CFAP299: variants seen among roughly 807,000 people sequenced by gnomAD.
CFAP299 encodes the protein cilia and flagella associated protein 299.
CFAP299 carries 21 observed loss-of-function variants against 27.0 expected under a neutral mutation model. The ratio of observed to expected loss-of-function variants is 0.78; its 90% confidence interval spans 0.55 to 1.12. The LOEUF (loss-of-function observed/expected upper bound fraction) is 1.12. CFAP299 is among the 50% of genes most tolerant of loss of function. The pLI is 0.00. For missense variants in CFAP299, 310 were observed against 276.6 expected, an observed-to-expected ratio of 1.12 and a Z score of -0.86; for synonymous variants, 104 against 98.1, an observed-to-expected ratio of 1.06 and a Z score of -0.36.
At chr4:80,648,340 C>A (rs1412245393) in intron 3 of CFAP299, among the ~76,000 whole-genome samples, 2 of 152,200 alleles carry the variant, frequency 1.3e-5, no homozygotes, top group Non-Finnish European at 2.9e-5. Context: ...CTAGAAAAGG[C>A]CTTATTTATG....
chr4:80,545,259 A>G (rs1454222608), intron 2 of CFAP299, among the ~76,000 whole-genome samples: 4 of 152,338 alleles, frequency 2.6e-5, no homozygotes, highest in African/African-American at 7.2e-5. Flanking sequence ...GAAAGATCTC[A>G]AATTAACAAC....
chr4:80,378,720 T>C (rs988872413), intron 2 of CFAP299, among the ~76,000 whole-genome samples: 2 of 152,140 alleles, frequency 1.3e-5, no homozygotes, highest in Non-Finnish European at 2.9e-5. Context: ...GTGATTTACA[T>C]TGATTGATTT....
Position 80,418,798 on chromosome 4 carries a change from AT to A in CFAP299, c.242+55915del, listed in dbSNP as rs1172812463. Among the ~76,000 whole-genome samples, 19 of 152,326 alleles carry A rather than the reference AT, an allele frequency of 1.2e-4. No individual in the cohort carries two copies. In the South Asian group the frequency reaches 3.9e-3, roughly 32 times the overall value. On this transcript the variant is annotated intron_variant, in intron 2 of 5. Transcript: ENST00000358105. ...ATTTAACATAATGCTCTCCGTTTAC[AT>A]CAGTGTTGTCAGAAATGACAGAGTT...
chr4:80,612,133 C>T (rs1418738371), intron 3 of CFAP299, among the ~76,000 whole-genome samples: 1 of 151,918 alleles, frequency 6.6e-6, no homozygotes, highest in African/African-American at 2.4e-5. Context: ...CACATAACCT[C>T]CCACAATTAT....
intron 3 of CFAP299, among the ~76,000 whole-genome samples, chr4:80,741,478 A>G (rs1724268912): frequency 6.6e-6 from 1 of 152,122 alleles, no homozygotes; most frequent in African/African-American, 2.4e-5. Flanking sequence ...TTCGAATGCC[A>G]TCTGGGAGCT....
At chr4:80,672,372 T>G (rs1270398311) in intron 3 of CFAP299, among the ~76,000 whole-genome samples, 1 of 152,220 alleles carries the variant, frequency 6.6e-6, no homozygotes, top group Non-Finnish European at 1.5e-5. Context: ...TCGTGGTGGA[T>G]AAGGTTTTTG....
chr4:80,332,940 A>G (rs1406166761), upstream of CFAP299, among the ~76,000 whole-genome samples: 2 of 152,164 alleles, frequency 1.3e-5, no homozygotes, highest in Admixed American at 1.3e-4. Flanking sequence ...AGAGAGCCCA[A>G]GTTTTTCTCT....
At position 80,910,586 on chromosome 4, in the gene CFAP299, A is replaced by G. The variant is rs150663158; in HGVS notation, c.477-34224A>G. Among the ~76,000 whole-genome samples, 470 of 152,248 alleles carry G rather than the reference A, an allele frequency of 3.1e-3. 2 individuals carry two copies. The highest frequency in any genetic ancestry group is 0.011 in the African/African-American group (451 of 41,558). On this transcript the variant is annotated intron_variant, in intron 4 of 5. Transcript: ENST00000358105. ...CTAATGCAGGAACAGAAAAGCAAAT[A>G]CTGTTTGTTCTAACTTATAAATGGG...
intron 2 of CFAP299, among the ~76,000 whole-genome samples, chr4:80,491,131 C>T (rs1028983943): frequency 6.6e-6 from 1 of 151,822 alleles, no homozygotes; most frequent in Admixed American, 6.6e-5. Context: ...AATTATTAAA[C>T]TGTAATAAAA....
At chr4:80,453,061 T>C (rs1463648954) in intron 2 of CFAP299, among the ~76,000 whole-genome samples, 1 of 152,218 alleles carries the variant, frequency 6.6e-6, no homozygotes, top group African/African-American at 2.4e-5. Context: ...GTGCCTGACT[T>C]GGAGAGTCAA....
chr4:80,659,738 C>T (rs1485330075), intron 3 of CFAP299, among the ~76,000 whole-genome samples: 1 of 151,942 alleles, frequency 6.6e-6, no homozygotes, highest in African/African-American at 2.4e-5. Flanking sequence ...ATAATCTATA[C>T]ACTCTTTTGT....
At chr4:80,475,792 C>T (rs1416611630) in intron 2 of CFAP299, among the ~76,000 whole-genome samples, 1 of 152,002 alleles carries the variant, frequency 6.6e-6, no homozygotes, top group African/African-American at 2.4e-5. Flanking sequence ...AATTAAGAAC[C>T]CCTAAGGAGA....
chr4:80,792,311 A>G (rs980928025), intron 3 of CFAP299, among the ~76,000 whole-genome samples: 5 of 152,046 alleles, frequency 3.3e-5, no homozygotes, highest in African/African-American at 1.2e-4. Context: ...GTCTGGGTTG[A>G]TTTGGTCTCA....
In CFAP299 at chr4:80,711,516, C is replaced by T. The variant is rs143877030; in HGVS notation, c.333+128333C>T. On this transcript the variant is annotated intron_variant, in intron 3 of 5. Transcript: ENST00000358105. ...GTATGGGCTGGAACCTGGACCTAGG[C>T]GTGACAACTGGTGTAGTCATAGACC... Among the ~76,000 whole-genome samples the T allele has an allele frequency of 3.8e-4, 58 of 152,208 alleles. No individual in the cohort carries two copies. The East Asian group carries it at 9.9e-3, about 26-fold the overall frequency.
intron 2 of CFAP299, among the ~76,000 whole-genome samples, chr4:80,517,290 G>C (rs1732636006): frequency 6.6e-6 from 1 of 152,148 alleles, no homozygotes; most frequent in Non-Finnish European, 1.5e-5. Context: ...TGTTGTTTTA[G>C]ATCAGAAAGA....
At chr4:80,625,335 AT>A (rs1425115843) in intron 3 of CFAP299, among the ~76,000 whole-genome samples, 2 of 151,986 alleles carry the variant, frequency 1.3e-5, no homozygotes, top group Non-Finnish European at 2.9e-5. Flanking sequence ...AACATGTTAT[AT>A]TTTTTGTAGG....
intron 4 of CFAP299, among the ~76,000 whole-genome samples, chr4:80,882,672 A>G (rs113728189): frequency 0.049 from 7,469 of 152,044 alleles, 274 homozygotes; most frequent in East Asian, 0.15. Context: ...GTGGTAAGTA[A>G]AAAGTGTCTC....
intron 3 of CFAP299, among the ~76,000 whole-genome samples, chr4:80,796,568 C>A (rs191245539): frequency 9.2e-5 from 14 of 152,154 alleles, no homozygotes; most frequent in Non-Finnish European, 2.1e-4. Context: ...GCCTTATGGA[C>A]AGTAATGGAG....
intron 3 of CFAP299, among the ~76,000 whole-genome samples, chr4:80,798,598 A>G (rs1728009481): frequency 6.6e-6 from 1 of 152,092 alleles, no homozygotes; most frequent in Non-Finnish European, 1.5e-5. Flanking sequence ...TTTTTCCACA[A>G]TTTCAGCTCT....
Sources: allele counts gnomAD v4.1 joint callset (sites outside exome capture counted in the v4.1 genomes callset), GRCh38; gene constraint gnomAD v4.1.1; transcripts MANE v1.5; gene names NCBI Gene and HGNC (gene_info 2026-07-23, HGNC 2026-07-21).